The following GRID2 variants were observed in gnomAD, a reference collection of about 807,000 sequenced individuals.
The protein encoded by GRID2 is glutamate ionotropic receptor delta type subunit 2.
In GRID2, 33 loss-of-function variants were observed where a neutral mutation model predicts 114.8. The ratio of observed to expected loss-of-function variants is 0.29; its 90% CI spans 0.22 to 0.38. The LOEUF is 0.38. Ranked by LOEUF, GRID2 falls within the 10% of genes least tolerant of loss-of-function variation. GRID2 has a pLI of 1.00. For synonymous variants in GRID2, 505 were observed against 449.9 expected (o/e 1.12, Z -1.55); for missense variants, 1,184 against 1,257.7 (o/e 0.94, Z 0.89).
intron 1 of GRID2, among the ~76,000 whole-genome samples, chr4:92,373,781 TTTGC>T (rs1267628412): frequency 6.6e-6 from 1 of 152,184 alleles, no homozygotes; most frequent in African/African-American, 2.4e-5. Flanking sequence ...TGGGTTTTAC[TTTGC>T]TTGTCACCCT....
intron 3 of GRID2, among the ~76,000 whole-genome samples, chr4:93,091,165 T>C (rs1396513515): frequency 6.6e-6 from 1 of 152,156 alleles, no homozygotes; most frequent in East Asian, 1.9e-4. Flanking sequence ...TATTATTATC[T>C]AGCCCTTTAA....
At chr4:92,794,905 T>TATATATACACAC (rs745392261) in intron 2 of GRID2, among the ~76,000 whole-genome samples, 70 of 127,794 alleles carry the variant, frequency 5.5e-4, no homozygotes, top group African/African-American at 8.6e-4. Context: ...TATATATATA[T>TATATATACACAC]ACACACACAC....
At chr4:92,606,344 A>C in intron 2 of GRID2, among the ~76,000 whole-genome samples, 1 of 135,464 alleles carries the variant, frequency 7.4e-6, no homozygotes, top group Non-Finnish European at 1.7e-5. Flanking sequence ...TTACAGATGA[A>C]GAAAATGAGC....
chr4:93,008,253 A>G (rs553563486), intron 2 of GRID2, among the ~76,000 whole-genome samples: 1 of 152,182 alleles, frequency 6.6e-6, no homozygotes, highest in East Asian at 1.9e-4. Flanking sequence ...GAGGATTTCT[A>G]TATTAAAATA....
intron 3 of GRID2, among the ~76,000 whole-genome samples, chr4:93,086,718 A>G (rs922527159): frequency 3.9e-5 from 6 of 152,200 alleles, no homozygotes; most frequent in African/African-American, 1.2e-4. Context: ...AACAAAAAGG[A>G]TATTAAAAAT....
chr4:93,224,915 A>T, intron 7 of GRID2, 140 bp downstream of exon 7: 1 of 619,012 alleles, frequency 1.6e-6, no homozygotes, highest in Non-Finnish European at 2.7e-6. Context: ...TGAAAAAGAA[A>T]AAAGGTGAGA....
intron 13 of GRID2, among the ~76,000 whole-genome samples, chr4:93,568,099 A>AC (rs1316875069): frequency 2.0e-5 from 3 of 152,206 alleles, no homozygotes; most frequent in African/African-American, 7.2e-5. Context: ...TATTGGGACA[A>AC]CATACCTAAC....
intron 2 of GRID2, among the ~76,000 whole-genome samples, chr4:92,760,123 T>A (rs1348465633): frequency 6.7e-6 from 1 of 149,036 alleles, no homozygotes; most frequent in Non-Finnish European, 1.5e-5. Flanking sequence ...GCCTGTCTAC[T>A]CAGCTACTCA....
At chr4:93,409,131 C>T (rs1766842952) in intron 9 of GRID2, among the ~76,000 whole-genome samples, 1 of 152,108 alleles carries the variant, frequency 6.6e-6, no homozygotes. Context: ...ATTTCCTCTA[C>T]CCACTTAGGT....
At chr4:93,049,374 A>T (rs1355180370) in intron 2 of GRID2, among the ~76,000 whole-genome samples, 1 of 152,004 alleles carries the variant, frequency 6.6e-6, no homozygotes, top group African/African-American at 2.4e-5. Flanking sequence ...GTCCAAAATA[A>T]TGAAACATTA....
chr4:93,765,613 T>TATATATATATATATATGAGGC (rs1733600830), intron 14 of GRID2, among the ~76,000 whole-genome samples: 1 of 118,924 alleles, frequency 8.4e-6, no homozygotes, highest in Admixed American at 7.7e-5. Flanking sequence ...AGGTATTATA[T>TATATATATATATATATGAGGC]ATATATATAT....
At chr4:93,597,262 T>C (rs1739199782) in intron 13 of GRID2, among the ~76,000 whole-genome samples, 7 of 152,242 alleles carry the variant, frequency 4.6e-5, no homozygotes, top group Admixed American at 4.6e-4. Flanking sequence ...TTGTTGAGTC[T>C]TTCCTCATGT....
intron 13 of GRID2, among the ~76,000 whole-genome samples, chr4:93,588,172 A>G (rs1408050126): frequency 1.3e-5 from 2 of 152,124 alleles, no homozygotes; most frequent in African/African-American, 4.8e-5. Context: ...AAATTTTAAG[A>G]GGTGATTTTT....
In GRID2 at chr4:93,636,558, C is replaced by A. The variant is rs1234887985; in HGVS notation, c.2360+10123C>A. Among the ~76,000 whole-genome samples the A allele has an allele frequency of 3.3e-5, 5 of 152,080 alleles. No homozygotes were observed. The East Asian group carries it at 5.8e-4, about 18-fold the overall frequency. ...CACTCAAAACACTCATTCTACTCAA[C>A]AAACATAACGTCAAGACACTTTTTA... is the stretch of plus-strand genomic sequence containing the variant. On this transcript the variant is annotated intron_variant, in intron 14 of 15. Transcript: ENST00000282020.
At chr4:93,487,584 C>T (rs1412255251) in intron 11 of GRID2, among the ~76,000 whole-genome samples, 1 of 152,014 alleles carries the variant, frequency 6.6e-6, no homozygotes, top group Non-Finnish European at 1.5e-5. Flanking sequence ...CAGTCCCACC[C>T]TCATTTGGCA....
chr4:92,851,208 A>T (rs1372576674), intron 2 of GRID2, among the ~76,000 whole-genome samples: 1 of 151,952 alleles, frequency 6.6e-6, no homozygotes, highest in Non-Finnish European at 1.5e-5. Context: ...TTAACAAATC[A>T]GCCAAATACT....
intron 4 of GRID2, among the ~76,000 whole-genome samples, chr4:93,158,275 G>A (rs1334978210): frequency 3.3e-5 from 5 of 151,756 alleles, no homozygotes; most frequent in African/African-American, 9.7e-5. Flanking sequence ...CTGAAGCAGC[G>A]AATACTCTTC....
intron 13 of GRID2, among the ~76,000 whole-genome samples, chr4:93,620,671 G>A (rs899614253): frequency 2.0e-5 from 3 of 152,046 alleles, no homozygotes; most frequent in African/African-American, 4.8e-5. Flanking sequence ...CACTTTACTT[G>A]GCAAGAAATG....
At chr4:92,879,975 AT>A (rs530983130) in intron 2 of GRID2, among the ~76,000 whole-genome samples, 1 of 152,134 alleles carries the variant, frequency 6.6e-6, no homozygotes, top group Admixed American at 6.5e-5. Flanking sequence ...TGTATTTATA[AT>A]TTTTTTTACC....
Sources: allele counts gnomAD v4.1 joint callset (sites outside exome capture counted in the v4.1 genomes callset), GRCh38; gene constraint gnomAD v4.1.1; transcripts MANE v1.5; gene names NCBI Gene and HGNC (gene_info 2026-07-23, HGNC 2026-07-21).